The following CSF1R variants were observed in gnomAD, a reference collection of about 807,000 sequenced individuals.
CSF1R encodes macrophage colony-stimulating factor 1 receptor.
Under a neutral mutation model 110.0 loss-of-function variants are expected in CSF1R, and 40 were observed. That is an observed-to-expected ratio of 0.36 (90% CI 0.28 to 0.47). CSF1R has a LOEUF of 0.47. Ranked by LOEUF, CSF1R falls within the 20% of genes least tolerant of loss-of-function variation. The pLI is 0.99. For synonymous variants in CSF1R, 523 were observed against 503.4 expected, an observed-to-expected ratio of 1.04 and a Z score of -0.52; for missense variants, 1,052 against 1,253.0, an observed-to-expected ratio of 0.84 and a Z score of 2.42.
At chr5:150,094,563 A>G (rs1759152755) in intron 1 of CSF1R, 2 of 1,590,736 alleles carry the variant, frequency 1.3e-6, no homozygotes, top group East Asian at 4.5e-5. Flanking sequence ...TGCAGAACCC[A>G]AATTGGCGTT....
chr5:150,110,413 C>T lies in CSF1R; in HGVS notation c.-181+2848G>A, dbSNP rs965413289. ...TTGCTGAGGAAATTAAATTTATGTTCGAGTGCTATTTCTTTGTGGCACTGG... is the reference window on the plus strand; with the variant it reads ...TTGCTGAGGAAATTAAATTTATGTTTGAGTGCTATTTCTTTGTGGCACTGG... On this transcript the variant is annotated intron_variant, in intron 1 of 21. Coordinates refer to the CSF1R transcript ENST00000286301. Among the ~76,000 whole-genome samples, 5 of 152,230 alleles carry T rather than the reference C, an allele frequency of 3.3e-5. No homozygotes were observed. The South Asian group carries it at 8.3e-4, about 25-fold the overall frequency.
In CSF1R at chr5:150,055,217, C is replaced by T. The variant is rs374874386; in HGVS notation, c.2654+20G>A. 1.3e-5 allele frequency: 21 copies of T among 1,609,048 alleles called. No individual in the cohort carries two copies. The highest frequency in any genetic ancestry group is 1.7e-5 in the Admixed American group (1 of 59,996). On this transcript the variant is annotated intron_variant, in intron 19 of 20. Coordinates refer to ENST00000675795, the MANE Select transcript of CSF1R (RefSeq NM_001288705.3). ...AAAGCCTGGGGTGTCCTTTTCCCTCCCTGGGATCCCTTCGCTTACATATTC... is the reference window on the plus strand; with the variant it reads ...AAAGCCTGGGGTGTCCTTTTCCCTCTCTGGGATCCCTTCGCTTACATATTC...
intron 1 of CSF1R, among the ~76,000 whole-genome samples, chr5:150,100,540 G>A (rs766662086): frequency 5.9e-5 from 9 of 151,488 alleles, no homozygotes; most frequent in East Asian, 5.8e-4. Context: ...GTTCATTTCC[G>A]GCTATACAAC....
At chr5:150,085,285 A>AAAAAAAAAAAAC (rs1242863074) in intron 1 of CSF1R, among the ~76,000 whole-genome samples, 1 of 150,232 alleles carries the variant, frequency 6.7e-6, no homozygotes, top group Non-Finnish European at 1.5e-5. Flanking sequence ...AGGAAAAAAA[A>AAAAAAAAAAAAC]AAAAAAAACC....
At chr5:150,084,395 G>A (rs1261936919) in intron 1 of CSF1R, among the ~76,000 whole-genome samples, 1 of 35,976 alleles carries the variant, frequency 2.8e-5, no homozygotes, top group East Asian at 4.9e-4. Context: ...AAGAAAGAAG[G>A]AAGGAAGGAA....
intron 1 of CSF1R, among the ~76,000 whole-genome samples, chr5:150,082,692 C>T (rs2113836625): frequency 1.3e-5 from 2 of 152,334 alleles, no homozygotes; most frequent in South Asian, 4.1e-4. Context: ...TCTTCCCTTA[C>T]CAGCTGGGTT....
chr5:150,092,932 C>G (rs182859473), intron 1 of CSF1R, among the ~76,000 whole-genome samples: 1 of 152,184 alleles, frequency 6.6e-6, no homozygotes, highest in Admixed American at 6.5e-5. Flanking sequence ...TGTAGTCTCT[C>G]TCTCTCTCTC....
At chr5:150,057,661 AC>A in intron 14 of CSF1R, 69 bp from the exon 15 acceptor site, 1 of 1,108,844 alleles carries the variant, frequency 9.0e-7, no homozygotes, top group Non-Finnish European at 1.4e-6. Flanking sequence ...TCAGGCCTTG[AC>A]CACCCACCAC....
chr5:150,092,060 G>A (rs1024510618), intron 1 of CSF1R, among the ~76,000 whole-genome samples: 25 of 152,082 alleles, frequency 1.6e-4, no homozygotes, highest in Non-Finnish European at 1.8e-4. Flanking sequence ...TCCTGTCAAG[G>A]ACCAAATAGT....
intron 8 of CSF1R, 54 bp from the exon 9 acceptor site, chr5:150,070,117 C>A (rs965869263): frequency 1.2e-6 from 2 of 1,608,606 alleles, no homozygotes; most frequent in Non-Finnish European, 1.7e-6. Context: ...GCCAGCATGT[C>A]CCTCCCACTC....
Position 150,093,967 on chromosome 5 carries a change from G to A in CSF1R, c.-180-7360C>T, listed in dbSNP as rs189506588. ...AATCCCAGCTACTTGGGAGGCTGAGGCAGGAGAAGTGCTTAAACCTGGGAG... is the reference window on the plus strand; with the variant it reads ...AATCCCAGCTACTTGGGAGGCTGAGACAGGAGAAGTGCTTAAACCTGGGAG... On this transcript the variant is annotated intron_variant, in intron 1 of 21. Transcript: ENST00000286301. 2.7e-3 allele frequency among the ~76,000 whole-genome samples: 408 copies of A among 152,000 alleles called. 2 individuals are homozygous for A. In the Middle Eastern group the frequency reaches 0.027, roughly 10 times the overall value.
chr5:150,070,117 C>T (rs965869263), intron 8 of CSF1R, 54 bp from the exon 9 acceptor site: 1 of 1,608,724 alleles, frequency 6.2e-7, no homozygotes, highest in South Asian at 1.1e-5. Flanking sequence ...GCCAGCATGT[C>T]CCTCCCACTC....
chr5:150,088,013 G>A (rs1758912199), upstream of CSF1R, among the ~76,000 whole-genome samples: 1 of 152,126 alleles, frequency 6.6e-6, no homozygotes, highest in South Asian at 2.1e-4. Context: ...TGGGATTATA[G>A]GTATGAGCCA....
rs369339383 is a variant in CSF1R at position 150,085,143 on chromosome 5, A to G, written c.49+1236T>C. ...AAAATACAAAAATTAGCCAGTCATG[A>G]TGGTGTATGCCTGTAATCCCAGCTT... On this transcript the variant is annotated intron_variant, in intron 1 of 20. Transcript: ENST00000675795. Among the ~76,000 whole-genome samples the G allele has an allele frequency of 5.3e-5, 8 of 152,002 alleles. No individual in the cohort carries two copies. The East Asian group carries it at 1.2e-3, about 22-fold the overall frequency.
At chr5:150,106,763 C>T (rs1194457235) in intron 1 of CSF1R, among the ~76,000 whole-genome samples, 1 of 152,202 alleles carries the variant, frequency 6.6e-6, no homozygotes, top group African/African-American at 2.4e-5. Context: ...GTACTGAACA[C>T]TTGCAGCTCC....
Position 150,080,000 on chromosome 5 carries a change from C to T in CSF1R, c.592+52G>A. On this transcript the variant is annotated intron_variant, in intron 3 of 20. Transcript: ENST00000675795. ...CAGTCACCACCCATGTGGCCGCCGG[C>T]TCTCTGTCCCCACTCTTCAGGCCTG... 2.5e-6 allele frequency: 4 copies of T among 1,580,628 alleles called. No individual in the cohort carries two copies. In the South Asian group the frequency reaches 3.5e-5, roughly 14 times the overall value.
Position 150,078,152 on chromosome 5 carries a change from T to C in CSF1R, c.689A>G (p.Asp230Gly), listed in dbSNP as rs987204580. Reference sequence around the variant, plus strand: ...TTGGAGGAAGACATCAAAGTTAACATCAACGCTGCTGGCTGAGCACACGAT... The same window carrying C: ...TTGGAGGAAGACATCAAAGTTAACACCAACGCTGCTGGCTGAGCACACGAT... The part of the protein sequence containing the change: ...AQIVCSASSV[D>G]VNFDVFLQHN... The change falls in exon 4 of 21, where the codon GAT becomes GGT. Residue 230 changes from aspartate (D) to glycine (G), a missense_variant. By Grantham distance (94) the Asp-to-Gly change is moderately conservative. This residue lies in a region of CSF1R where 693 missense variants were observed against 735.4 expected (regional missense o/e 0.94). Coordinates refer to ENST00000675795, the MANE Select transcript of CSF1R (RefSeq NM_001288705.3). 6.2e-7 allele frequency: 1 copy of C among 1,614,074 alleles called. No homozygotes were observed. Among genetic ancestry groups the C allele is most frequent in the Non-Finnish European group, 8.5e-7 (1 of 1,180,004 alleles).
At position 150,059,824 on chromosome 5, in the gene CSF1R, C is replaced by T. The variant is rs1392968737; in HGVS notation, c.2008G>A (p.Asp670Asn). 6.2e-6 allele frequency: 10 copies of T among 1,613,964 alleles called. No individual in the cohort carries two copies. The highest frequency in any genetic ancestry group is 1.1e-5 in the South Asian group (1 of 91,074). ...TTCCTTCGCAGAAAGTTGAGCAGGTCGCCATAGCAACAGTACTCCGTGATG... is the reference window on the plus strand; with the variant it reads ...TTCCTTCGCAGAAAGTTGAGCAGGTTGCCATAGCAACAGTACTCCGTGATG... ...LVITEYCCYG[D>N]LLNFLRRKAE... Residue 670 changes from aspartate (D) to asparagine (N), a missense_variant, in exon 14 of 21, where the codon GAC becomes AAC. By Grantham distance (23) the Asp-to-Asn change is conservative. This residue lies in a region of CSF1R where 76 missense variants were observed against 133.6 expected (regional missense o/e 0.57). Transcript: ENST00000675795.
At chr5:150,056,487 A>G (rs992609232) in intron 16 of CSF1R, 146 bp from the exon 17 acceptor site, 1 of 964,262 alleles carries the variant, frequency 1.0e-6, no homozygotes, top group Non-Finnish European at 1.5e-6. Context: ...ACCCTTGTCT[A>G]TACCTTCTAC....
Sources: allele counts gnomAD v4.1 joint callset (sites outside exome capture counted in the v4.1 genomes callset), GRCh38; gene constraint gnomAD v4.1.1; regional missense constraint gnomAD v4.1.1; transcripts MANE v1.5; gene names NCBI Gene and HGNC (gene_info 2026-07-23, HGNC 2026-07-21).